Variants in PJA2 observed in about 807,000 individuals in gnomAD.
PJA2 encodes praja ring finger ubiquitin ligase 2, also known as E3 ubiquitin-protein ligase Praja-2.
A neutral mutation model predicts 69.3 loss-of-function variants in PJA2; 25 were observed. The ratio of observed to expected loss-of-function variants is 0.36; its 90% CI spans 0.26 to 0.50. PJA2 has a LOEUF of 0.50. Ranked by LOEUF, PJA2 falls within the 20% of genes least tolerant of loss-of-function variation. PJA2 has a pLI of 0.96. For synonymous variants in PJA2, 308 were observed against 277.8 expected, an observed-to-expected ratio of 1.11 and a Z score of -1.08; for missense variants, 809 against 830.2, an observed-to-expected ratio of 0.97 and a Z score of 0.31.
chr5:109,383,421 T>C lies in PJA2; in HGVS notation c.13A>G (p.Thr5Ala), dbSNP rs1033908883. 1 of 1,613,240 alleles carries C rather than the reference T, an allele frequency of 6.2e-7. No homozygotes were observed. Among genetic ancestry groups the C allele is most frequent in the Non-Finnish European group, 8.5e-7 (1 of 1,179,452 alleles). The change falls in exon 2 of 10, where the codon ACT becomes GCT. Residue 5 changes from threonine (T) to alanine (A), a missense_variant. Around this residue, in one of 4 missense-constraint regions of PJA2, gnomAD observed 700 missense variants for 639.5 expected, o/e 1.09. Transcript: ENST00000361189. The part of the protein sequence containing the change: MSQY[T>A]EKEPAAMDQE... ...TCCTTACCTGCTGGCTCCTTTTCAG[T>C]GTACTGTGACATATATGGCAGCGTC...
Position 109,379,376 on chromosome 5 carries a change from A to G in PJA2, c.233-122T>C, listed in dbSNP as rs1437127559. ...ACTACTTGAATACATGAGTAAATTT[A>G]TTTACCAAGCACTTCTATGCTCCTT... On this transcript the variant is annotated intron_variant, in intron 3 of 9. Coordinates refer to ENST00000361189, the MANE Select transcript of PJA2 (RefSeq NM_014819.5). 5.6e-6 allele frequency: 4 copies of G among 715,098 alleles called. No homozygotes were observed. In the Admixed American group the frequency reaches 8.8e-5, roughly 16 times the overall value. 44.3% of individuals were successfully genotyped at this position (715,098 alleles called of 1,614,324 possible). A position where few individuals can be genotyped will look rare whatever the true frequency, so the allele number is the denominator to read the frequency against.
At chr5:109,345,431 C>T (rs1194832971) in intron 7 of PJA2, among the ~76,000 whole-genome samples, 2 of 146,638 alleles carry the variant, frequency 1.4e-5, no homozygotes, top group Admixed American at 6.9e-5. Flanking sequence ...GCAGGAGAAT[C>T]GCTTGATCCT....
chr5:109,382,682 T>C (rs370202761), intron 2 of PJA2, among the ~76,000 whole-genome samples: 15 of 152,208 alleles, frequency 9.9e-5, no homozygotes, highest in Admixed American at 4.6e-4. Context: ...ACCCCGTCTC[T>C]ACTAAAAATA....
intron 7 of PJA2, among the ~76,000 whole-genome samples, chr5:109,347,355 T>G (rs1762185530): frequency 6.6e-6 from 1 of 152,238 alleles, no homozygotes; most frequent in African/African-American, 2.4e-5. Flanking sequence ...GGACTTTGCT[T>G]CATGGTTCCC....
At chr5:109,391,014 T>C (rs1260586209) in intron 1 of PJA2, among the ~76,000 whole-genome samples, 2 of 152,144 alleles carry the variant, frequency 1.3e-5, no homozygotes, top group Non-Finnish European at 2.9e-5. Flanking sequence ...GGACTTAAAA[T>C]GGGGTTACGC....
At chr5:109,349,344 A>AG (rs1304152048) in intron 7 of PJA2, among the ~76,000 whole-genome samples, 1 of 152,190 alleles carries the variant, frequency 6.6e-6, no homozygotes, top group Non-Finnish European at 1.5e-5. Context: ...AGGATGTTGA[A>AG]GAACACTGCT....
chr5:109,374,671 A>G (rs1746814963), intron 4 of PJA2, among the ~76,000 whole-genome samples: 1 of 152,190 alleles, frequency 6.6e-6, no homozygotes, highest in Non-Finnish European at 1.5e-5. Context: ...TCATCAACAA[A>G]GTAAGTTGTC....
intron 1 of PJA2, chr5:109,409,091 C>T (rs981635683): frequency 6.6e-6 from 1 of 152,110 alleles, no homozygotes; most frequent in Non-Finnish European, 1.5e-5. Context: ...TTTGCTTCAA[C>T]TTGGTCTGAG....
At chr5:109,388,787 A>T (rs1334435618) in intron 1 of PJA2, among the ~76,000 whole-genome samples, 2 of 152,202 alleles carry the variant, frequency 1.3e-5, no homozygotes, top group African/African-American at 4.8e-5. Context: ...ATTTACATAT[A>T]TGCCTCCAAA....
At chr5:109,397,008 G>A (rs1270281219) in intron 1 of PJA2, among the ~76,000 whole-genome samples, 1 of 152,162 alleles carries the variant, frequency 6.6e-6, no homozygotes, top group African/African-American at 2.4e-5. Context: ...AAAAGGTGGG[G>A]TCTTTTGAAA....
In PJA2 at chr5:109,383,535, T is replaced by C. The variant is rs1316271119; in HGVS notation, c.-87-15A>G. On this transcript the variant is annotated splice_polypyrimidine_tract_variant and intron_variant, in intron 1 of 9. Transcript: ENST00000361189. ...GCAGAAGATTCCTACAAAGAAACAA[T>C]GAATTGAACAATATATTAATAAAAG... 2.2e-6 allele frequency: 2 copies of C among 930,134 alleles called. No individual in the cohort carries two copies. Among genetic ancestry groups the C allele is most frequent in the Non-Finnish European group, 3.3e-6 (2 of 600,058 alleles). 57.6% of individuals were successfully genotyped at this position (930,134 alleles called of 1,614,324 possible). A position where few individuals can be genotyped will look rare whatever the true frequency, so the allele number is the denominator to read the frequency against.
At chr5:109,409,273 G>C (rs1397367316) in intron 1 of PJA2, 1 of 152,180 alleles carries the variant, frequency 6.6e-6, no homozygotes, top group African/African-American at 2.4e-5. Context: ...CGGCTCGAGC[G>C]GGGTGTCTGC....
intron 7 of PJA2, among the ~76,000 whole-genome samples, chr5:109,345,866 G>C (rs1762166201): frequency 6.6e-6 from 1 of 152,202 alleles, no homozygotes; most frequent in African/African-American, 2.4e-5. Flanking sequence ...TTCTAAGAAG[G>C]ATGGAAAGAA....
At chr5:109,400,988 C>T (rs1473409886) in intron 1 of PJA2, among the ~76,000 whole-genome samples, 1 of 151,412 alleles carries the variant, frequency 6.6e-6, no homozygotes, top group African/African-American at 2.4e-5. Flanking sequence ...GTCTCAAAAA[C>T]AAAAAACAAA....
intron 2 of PJA2, among the ~76,000 whole-genome samples, chr5:109,382,267 GA>G (rs1747068755): frequency 6.6e-6 from 1 of 151,856 alleles, no homozygotes. Flanking sequence ...CTATCCAAAA[GA>G]AAACAGCAAT....
At chr5:109,361,517 T>C (rs937457741) in intron 6 of PJA2, among the ~76,000 whole-genome samples, 1 of 152,216 alleles carries the variant, frequency 6.6e-6, no homozygotes, top group African/African-American at 2.4e-5. Context: ...AAACAGATGA[T>C]TCTTTCAACT....
intron 5 of PJA2, among the ~76,000 whole-genome samples, chr5:109,365,549 T>G (rs943026333): frequency 2.6e-5 from 4 of 151,156 alleles, no homozygotes; most frequent in African/African-American, 9.8e-5. Flanking sequence ...CTTTCCATAC[T>G]GTCTAAACTC....
intron 5 of PJA2, among the ~76,000 whole-genome samples, chr5:109,367,318 A>G (rs1762601630): frequency 6.6e-6 from 1 of 151,412 alleles, no homozygotes; most frequent in Non-Finnish European, 1.5e-5. Context: ...TATAGGATTA[A>G]TCTCAAGCTG....
chr5:109,346,257 A>G (rs745488390), intron 7 of PJA2, among the ~76,000 whole-genome samples: 8 of 152,244 alleles, frequency 5.3e-5, no homozygotes, highest in Non-Finnish European at 8.8e-5. Flanking sequence ...TTAGGGATGA[A>G]AAACCTGAAG....
Sources: gnomAD v4.1 joint callset for allele counts (sites outside exome capture counted in the v4.1 genomes callset) on GRCh38, gnomAD v4.1.1 for gene constraint, gnomAD v4.1.1 regional missense constraint, MANE v1.5 for transcripts, NCBI Gene and HGNC (gene_info 2026-07-23, HGNC 2026-07-21) for gene names.